Variants in GALNT7 observed in about 807,000 individuals in gnomAD.
GALNT7 encodes the protein polypeptide N-acetylgalactosaminyltransferase 7, also known as N-acetylgalactosaminyltransferase 7.
GALNT7 carries 60 observed loss-of-function variants against 82.1 expected under a neutral mutation model. The ratio of observed to expected loss-of-function variants is 0.73; its 90% confidence interval spans 0.59 to 0.91. The LOEUF is 0.91. Ranked by LOEUF, GALNT7 falls within the 40% of genes least tolerant of loss-of-function variation. The probability of loss-of-function intolerance (pLI) is 0.00; values close to 1 mark genes in which losing one functional copy is unlikely to be tolerated. For synonymous variants in GALNT7, 243 were observed against 275.1 expected, an observed-to-expected ratio of 0.88 and a Z score of 1.15; for missense variants, 660 against 804.2, an observed-to-expected ratio of 0.82 and a Z score of 2.17.
chr4:173,197,821 T>A (rs1334270663), intron 1 of GALNT7, among the ~76,000 whole-genome samples: 1 of 152,088 alleles, frequency 6.6e-6, no homozygotes, highest in Non-Finnish European at 1.5e-5. Context: ...GGTTGTGAAT[T>A]TGAGTTCTGG....
At chr4:173,266,730 A>G (rs1056127393) in intron 2 of GALNT7, among the ~76,000 whole-genome samples, 12 of 152,160 alleles carry the variant, frequency 7.9e-5, no homozygotes, top group African/African-American at 2.7e-4. Flanking sequence ...GGCAACATGG[A>G]TGAGCATGGG....
intron 2 of GALNT7, among the ~76,000 whole-genome samples, chr4:173,288,766 T>C (rs1484947837): frequency 6.6e-6 from 1 of 152,082 alleles, no homozygotes; most frequent in East Asian, 1.9e-4. Flanking sequence ...GTGTCTATCA[T>C]TGAGGACAAA....
intron 1 of GALNT7, among the ~76,000 whole-genome samples, chr4:173,189,578 G>T (rs1248134448): frequency 6.6e-6 from 1 of 152,190 alleles, no homozygotes; most frequent in Non-Finnish European, 1.5e-5. Context: ...CTATTAGTTG[G>T]ATAAATTTTT....
At chr4:173,192,005 T>TA (rs1401070191) in intron 1 of GALNT7, among the ~76,000 whole-genome samples, 1 of 152,162 alleles carries the variant, frequency 6.6e-6, no homozygotes, top group African/African-American at 2.4e-5. Context: ...AATATTAAAA[T>TA]AAAATGAATC....
intron 1 of GALNT7, among the ~76,000 whole-genome samples, chr4:173,240,901 G>A (rs1734407400): frequency 6.6e-6 from 1 of 152,054 alleles, no homozygotes; most frequent in South Asian, 2.1e-4. Context: ...CTCTGTGGGG[G>A]GTTAGAAACA....
chr4:173,193,911 G>T (rs950127260), intron 1 of GALNT7, among the ~76,000 whole-genome samples: 1 of 152,076 alleles, frequency 6.6e-6, no homozygotes, highest in Non-Finnish European at 1.5e-5. Flanking sequence ...TTTTTAAAAG[G>T]AGGCTAAATA....
intron 1 of GALNT7, among the ~76,000 whole-genome samples, chr4:173,231,719 G>A (rs1734036499): frequency 6.6e-6 from 1 of 152,002 alleles, no homozygotes; most frequent in Non-Finnish European, 1.5e-5. Context: ...CATAAGGCAG[G>A]CCCTCCTTTA....
Position 173,304,013 on chromosome 4 carries a change from C to A in GALNT7, c.1284C>A (p.Gly428=). 2 of 1,610,356 alleles carry A rather than the reference C, an allele frequency of 1.2e-6. No individual in the cohort carries two copies. The highest frequency in any genetic ancestry group is 1.3e-5 in the African/African-American group (1 of 74,812). Residue 428 remains glycine (G), a synonymous_variant, in exon 8 of 12, where the codon GGC becomes GGA. Coordinates refer to ENST00000265000, the MANE Select transcript of GALNT7 (RefSeq NM_017423.3). ...EISYKIWQCG[G]KLLFVPCSRV... is the part of the protein sequence containing the mutation. ...CTTCATAGATATGGCAGTGTGGTGG[C>A]AAATTATTATTTGTTCCTTGTTCTC...
intron 2 of GALNT7, among the ~76,000 whole-genome samples, chr4:173,263,984 G>T (rs990716970): frequency 6.6e-6 from 1 of 152,090 alleles, no homozygotes; most frequent in African/African-American, 2.4e-5. Flanking sequence ...GCTATTCCAC[G>T]CAAAGCCTTC....
intron 3 of GALNT7, among the ~76,000 whole-genome samples, chr4:173,293,282 C>CT (rs141254824): frequency 0.016 from 2,356 of 148,782 alleles, 71 homozygotes; most frequent in East Asian, 0.081. Flanking sequence ...TTACTGTTGT[C>CT]TTTTTTTTTT....
intron 1 of GALNT7, among the ~76,000 whole-genome samples, chr4:173,170,059 C>A (rs528749877): frequency 3.9e-5 from 6 of 152,130 alleles, no homozygotes; most frequent in Non-Finnish European, 8.8e-5. Flanking sequence ...GGGGAAGGGA[C>A]CGCGGGCACT....
chr4:173,295,348 TG>T, intron 3 of GALNT7, 47 bp from the exon 4 acceptor site: 1 of 1,284,260 alleles, frequency 7.8e-7, no homozygotes, highest in Non-Finnish European at 1.1e-6. Context: ...AATAACTAAT[TG>T]GTTTCTATTC....
chr4:173,305,839 G>A (rs1737137701), intron 8 of GALNT7, among the ~76,000 whole-genome samples: 3 of 152,090 alleles, frequency 2.0e-5, no homozygotes, highest in Admixed American at 1.3e-4. Context: ...GATGCCTCCA[G>A]CTTCGTTCTT....
Position 173,304,266 on chromosome 4 carries a change from G to A in GALNT7, c.1389+148G>A, listed in dbSNP as rs1017240198. Reference sequence around the variant, plus strand: ...CTTTAACTTAGCTAGACTTATTCACGAAATATCTTATTGTTCTTTAAGATT... The same window carrying A: ...CTTTAACTTAGCTAGACTTATTCACAAAATATCTTATTGTTCTTTAAGATT... On this transcript the variant is annotated intron_variant, in intron 8 of 11. Coordinates refer to ENST00000265000, the MANE Select transcript of GALNT7 (RefSeq NM_017423.3). The A allele has an allele frequency of 9.9e-6, 6 of 608,006 alleles. No homozygotes were observed. In the East Asian group the frequency reaches 1.6e-4, roughly 16 times the overall value. 37.7% of individuals were successfully genotyped at this position (608,006 alleles called of 1,614,324 possible). A position where few individuals can be genotyped will look rare whatever the true frequency, so the allele number is the denominator to read the frequency against.
intron 7 of GALNT7, 57 bp from the exon 8 acceptor site, chr4:173,303,939 A>C: frequency 6.9e-7 from 1 of 1,446,898 alleles, no homozygotes; most frequent in Non-Finnish European, 9.5e-7. Context: ...ATAAATTTTC[A>C]GTTATGGTTT....
chr4:173,294,466 T>C (rs901336407), intron 3 of GALNT7, among the ~76,000 whole-genome samples: 1 of 152,134 alleles, frequency 6.6e-6, no homozygotes, highest in Non-Finnish European at 1.5e-5. Flanking sequence ...AAATATTAAG[T>C]ATACAGTCTG....
chr4:173,275,021 C>G (rs1579979893), intron 2 of GALNT7, among the ~76,000 whole-genome samples: 1 of 152,248 alleles, frequency 6.6e-6, no homozygotes, highest in East Asian at 1.9e-4. Flanking sequence ...TACAGTCATC[C>G]CCATGCAGCC....
intron 1 of GALNT7, among the ~76,000 whole-genome samples, chr4:173,188,460 A>G (rs6851632): frequency 0.7 from 106,420 of 151,756 alleles, 37,538 homozygotes; most frequent in East Asian, 0.76. Context: ...ATTTCACGGC[A>G]TACATTGGTA....
chr4:173,190,457 T>G (rs1732595031), intron 1 of GALNT7, among the ~76,000 whole-genome samples: 2 of 152,236 alleles, frequency 1.3e-5, no homozygotes, highest in African/African-American at 4.8e-5. Flanking sequence ...GATAAAGTTG[T>G]ATAAGTAAGG....
Sources: allele counts gnomAD v4.1 joint callset (sites outside exome capture counted in the v4.1 genomes callset), GRCh38; gene constraint gnomAD v4.1.1; transcripts MANE v1.5; gene names NCBI Gene and HGNC (gene_info 2026-07-23, HGNC 2026-07-21).